ZRSR2: variants seen among roughly 807,000 people sequenced by gnomAD.
ZRSR2 encodes U2 small nuclear ribonucleoprotein auxiliary factor 35 kDa subunit-related protein 2.
Under a neutral mutation model 39.4 loss-of-function variants are expected in ZRSR2, and 3 were observed. The observed-to-expected ratio is 0.08, with a 90% confidence interval of 0.03 to 0.20. The LOEUF (loss-of-function observed/expected upper bound fraction) is 0.20. Among genes scored for constraint, ZRSR2 ranks in the 10% least tolerant of loss-of-function variants. The pLI is 1.00. For missense variants in ZRSR2, 256 were observed against 391.5 expected, an observed-to-expected ratio of 0.65 and a Z score of 2.92; for synonymous variants, 137 against 136.0, an observed-to-expected ratio of 1.01 and a Z score of -0.05.
intron 3 of ZRSR2, among the ~76,000 whole-genome samples, chrX:15,803,263 AAAAT>A (rs1221023116): frequency 9.0e-6 from 1 of 110,552 alleles, no homozygotes; most frequent in African/African-American, 3.3e-5. Context: ...ACTCTGTCTC[AAAAT>A]AAATAAATAA....
At position 15,822,905 on chromosome X, in the gene ZRSR2, A is replaced by G. The variant is rs750595667; in HGVS notation, c.1112A>G (p.Asp371Gly). 2 of 1,212,326 alleles carry G rather than the reference A, an allele frequency of 1.6e-6. No homozygotes were observed. Among genetic ancestry groups the G allele is most frequent in the South Asian group, 3.5e-5 (2 of 57,059 alleles). ...AGGAGGGAGAGGATGGGCCACCACG[A>G]CGACTACTACAGCAGGCTGCGGGGA... Reference protein sequence around the residue: ...SERRERMGHHDDYYSRLRGRR... With the variant: ...SERRERMGHHGDYYSRLRGRR... Residue 371 changes from aspartate (D) to glycine (G), a missense_variant, in exon 11 of 11, where the codon GAC becomes GGC. Asp to Gly is a moderately conservative substitution (Grantham distance 94). Around this residue, in one of 3 missense-constraint regions of ZRSR2, gnomAD observed 111 missense variants for 116.7 expected, o/e 0.95. Coordinates refer to ENST00000307771, the MANE Select transcript of ZRSR2 (RefSeq NM_005089.4).
intron 2 of ZRSR2, among the ~76,000 whole-genome samples, chrX:15,796,310 G>A (rs1481594527): frequency 8.9e-6 from 1 of 112,177 alleles, no homozygotes; most frequent in Non-Finnish European, 1.9e-5. Flanking sequence ...TGAAAAATAC[G>A]CCAGAGATCA....
At chrX:15,810,545 TTCC>T (rs1235197042) in intron 7 of ZRSR2, among the ~76,000 whole-genome samples, 4 of 111,453 alleles carry the variant, frequency 3.6e-5, no homozygotes, top group Admixed American at 9.6e-5. Flanking sequence ...TGAGGTTTTT[TTCC>T]TTCTTCTTCT....
chrX:15,790,826 C>T (rs1932247786), intron 1 of ZRSR2, 108 bp from the exon 2 acceptor site: 4 of 785,930 alleles, frequency 5.1e-6, no homozygotes, highest in Admixed American at 2.7e-5. Context: ...CAAGGTTTCT[C>T]TCCTCAGCAC....
At chrX:15,811,964 C>G (rs1357206762) in intron 7 of ZRSR2, among the ~76,000 whole-genome samples, 1 of 111,563 alleles carries the variant, frequency 9.0e-6, no homozygotes, top group Non-Finnish European at 1.9e-5. Context: ...GAGTCTCGCT[C>G]TGTCGCCCAG....
chrX:15,821,125 T>G (rs185586076), intron 10 of ZRSR2, among the ~76,000 whole-genome samples: 3 of 111,944 alleles, frequency 2.7e-5, no homozygotes, highest in Non-Finnish European at 5.6e-5. Context: ...TGAAACCATT[T>G]ATGAAGGGAA....
intron 2 of ZRSR2, among the ~76,000 whole-genome samples, chrX:15,791,879 T>G (rs1932293111): frequency 9.1e-6 from 1 of 109,741 alleles, no homozygotes; most frequent in Admixed American, 9.6e-5. Flanking sequence ...CCAGGCTGGT[T>G]TCGAACTTCT....
At chrX:15,810,389 A>T (rs972142320) in intron 7 of ZRSR2, among the ~76,000 whole-genome samples, 5 of 112,006 alleles carry the variant, frequency 4.5e-5, no homozygotes, top group Non-Finnish European at 9.4e-5. Context: ...TTATCACCAT[A>T]TATTCTGCAG....
At chrX:15,811,903 C>G (rs1035682327) in intron 7 of ZRSR2, among the ~76,000 whole-genome samples, 9 of 111,855 alleles carry the variant, frequency 8.0e-5, no homozygotes, top group African/African-American at 2.6e-4. Flanking sequence ...AGTTTGCGAG[C>G]ATTTCTTTTT....
chrX:15,792,859 T>C (rs1932327745), intron 2 of ZRSR2, among the ~76,000 whole-genome samples: 1 of 112,671 alleles, frequency 8.9e-6, no homozygotes, highest in Non-Finnish European at 1.9e-5. Flanking sequence ...TAGACAATTC[T>C]TAAAATCCAG....
chrX:15,799,861 A>G lies in ZRSR2; in HGVS notation c.122-11A>G. 3 of 1,154,061 alleles carry G rather than the reference A, an allele frequency of 2.6e-6. No homozygotes were observed. The highest frequency in any genetic ancestry group is 3.5e-6 in the Non-Finnish European group (3 of 855,558). On this transcript the variant is annotated splice_polypyrimidine_tract_variant and intron_variant, in intron 2 of 10. Coordinates refer to ENST00000307771, the MANE Select transcript of ZRSR2 (RefSeq NM_005089.4). ...CAGCACTCAGTTTAATAAAACATTT[A>G]AATTCCCTAGGACTCTCACAGAAGG... is the stretch of plus-strand genomic sequence containing the variant.
intron 8 of ZRSR2, among the ~76,000 whole-genome samples, chrX:15,816,259 T>C (rs1055256109): frequency 1.4e-4 from 16 of 111,619 alleles, no homozygotes; most frequent in African/African-American, 4.9e-4. Flanking sequence ...GTGCATTCCC[T>C]TCCTTCCTCT....
chrX:15,800,478 C>T (rs753605731), intron 3 of ZRSR2, among the ~76,000 whole-genome samples: 4 of 109,754 alleles, frequency 3.6e-5, no homozygotes, highest in East Asian at 2.8e-4. Flanking sequence ...TGAGCCACTG[C>T]GCCTGACCTG....
intron 8 of ZRSR2, among the ~76,000 whole-genome samples, chrX:15,817,188 C>T (rs1385784644): frequency 8.9e-6 from 1 of 111,905 alleles, no homozygotes; most frequent in Non-Finnish European, 1.9e-5. Flanking sequence ...AAATTGCACC[C>T]TTACTTGCAA....
chrX:15,809,351 A>C, intron 7 of ZRSR2, 33 bp downstream of exon 7: 2 of 1,036,052 alleles, frequency 1.9e-6, no homozygotes, highest in Non-Finnish European at 2.7e-6. Flanking sequence ...GTCAGAATGA[A>C]GTGATTCAAA....
intron 2 of ZRSR2, among the ~76,000 whole-genome samples, chrX:15,792,032 C>T (rs1006628853): frequency 8.9e-6 from 1 of 112,347 alleles, no homozygotes; most frequent in East Asian, 2.8e-4. Flanking sequence ...TCTCGAACTC[C>T]TGGCCTCAAG....
At chrX:15,815,595 C>A in intron 7 of ZRSR2, 82 bp from the exon 8 acceptor site, 1 of 873,351 alleles carries the variant, frequency 1.1e-6, no homozygotes, top group East Asian at 3.2e-5. Flanking sequence ...GCGTGAGCCA[C>A]CATGCCTGGT....
At chrX:15,820,409 A>T in intron 10 of ZRSR2, 93 bp downstream of exon 10, 1 of 850,485 alleles carries the variant, frequency 1.2e-6, no homozygotes. Flanking sequence ...TCAAGTGGTG[A>T]GGCATAGCTT....
At chrX:15,812,568 G>C in intron 7 of ZRSR2, among the ~76,000 whole-genome samples, 1 of 111,676 alleles carries the variant, frequency 9.0e-6, no homozygotes, top group East Asian at 2.8e-4. Flanking sequence ...AGCCATGCTG[G>C]AATTGGTATT....
Sources: allele counts gnomAD v4.1 joint callset (sites outside exome capture counted in the v4.1 genomes callset), GRCh38; gene constraint gnomAD v4.1.1; regional missense constraint gnomAD v4.1.1; transcripts MANE v1.5; gene names NCBI Gene and HGNC (gene_info 2026-07-23, HGNC 2026-07-21).